Variants in MGST2 observed in about 807,000 individuals in gnomAD.
MGST2 encodes glutathione peroxidase MGST2.
Under a neutral mutation model 16.6 loss-of-function variants are expected in MGST2, and 9 were observed. That is an observed-to-expected ratio of 0.54 (90% CI 0.33 to 0.95). MGST2 has a LOEUF of 0.95. Among genes scored for constraint, MGST2 ranks in the 40% least tolerant of loss-of-function variants. MGST2 has a pLI of 0.03. For synonymous variants in MGST2, 79 were observed against 68.0 expected (o/e 1.16, Z -0.79); for missense variants, 159 against 175.1 (o/e 0.91, Z 0.52).
chr4:139,686,346 T>C (rs1277413406), intron 2 of MGST2, among the ~76,000 whole-genome samples: 1 of 152,190 alleles, frequency 6.6e-6, no homozygotes, highest in African/African-American at 2.4e-5. Flanking sequence ...TCAGAGAGAA[T>C]AGTTTGTAAA....
intron 5 of MGST2, among the ~76,000 whole-genome samples, chr4:139,725,260 G>A (rs1332411594): frequency 2.0e-5 from 3 of 152,184 alleles, no homozygotes; most frequent in Non-Finnish European, 4.4e-5. Flanking sequence ...AGTGGTTGTT[G>A]CAAGCCAGAT....
chr4:139,686,492 A>G (rs1194848231), intron 2 of MGST2, among the ~76,000 whole-genome samples: 2 of 152,184 alleles, frequency 1.3e-5, no homozygotes, highest in Non-Finnish European at 2.9e-5. Flanking sequence ...CTGGCTGAGG[A>G]GGAAGTCCAT....
rs976059129 is a variant in MGST2 at position 139,719,742 on chromosome 4, G to T, written c.*48+15546G>T. 3.1e-6 allele frequency: 5 copies of T among 1,613,632 alleles called. 1 individual carries two copies. The African/African-American group carries it at 4.0e-5, about 13-fold the overall frequency. On this transcript the variant is annotated intron_variant, in intron 5 of 5. Transcript: ENST00000616265. Reference sequence around the variant, plus strand: ...TGGCTCAGTCCCTGTGGGAAGTGCTGCTTGGTCAGTCTCGGCTGCCCAGCT... The same window carrying T: ...TGGCTCAGTCCCTGTGGGAAGTGCTTCTTGGTCAGTCTCGGCTGCCCAGCT...
At chr4:139,733,562 A>G (rs867676081) in intron 5 of MGST2, among the ~76,000 whole-genome samples, 7 of 152,008 alleles carry the variant, frequency 4.6e-5, no homozygotes, top group African/African-American at 7.2e-5. Context: ...AGTGTGAAAA[A>G]AAAAAAAAAA....
intron 2 of MGST2, among the ~76,000 whole-genome samples, chr4:139,691,387 G>T (rs1477522557): frequency 6.6e-6 from 1 of 152,182 alleles, no homozygotes; most frequent in African/African-American, 2.4e-5. Flanking sequence ...CCACTGACAG[G>T]ATTGTCAAGA....
intron 5 of MGST2, among the ~76,000 whole-genome samples, chr4:139,709,304 T>C (rs1434319149): frequency 6.6e-6 from 1 of 152,058 alleles, no homozygotes; most frequent in African/African-American, 2.4e-5. Context: ...AGGATGGTCT[T>C]GATCTCCTGA....
intron 5 of MGST2, among the ~76,000 whole-genome samples, chr4:139,713,494 A>AAAAT (rs1727817703): frequency 1.3e-5 from 2 of 151,446 alleles, no homozygotes; most frequent in African/African-American, 4.8e-5. Flanking sequence ...AAAAAAAAAA[A>AAAAT]AAAGGAGAAA....
the MGST2 span, among the ~76,000 whole-genome samples, chr4:139,748,751 T>C: frequency 9.6e-6 from 1 of 104,050 alleles, no homozygotes. Flanking sequence ...TTTGGAAAGT[T>C]GAGCAATTTC....
downstream of MGST2, among the ~76,000 whole-genome samples, chr4:139,742,183 C>T (rs1729192899): frequency 6.9e-6 from 1 of 145,972 alleles, no homozygotes; most frequent in African/African-American, 2.5e-5. Flanking sequence ...GAGTCTCGCT[C>T]TGTCAGCCAG....
At chr4:139,678,715 G>A (rs1168451858) in intron 2 of MGST2, 73 bp downstream of exon 2, 26 of 1,182,546 alleles carry the variant, frequency 2.2e-5, no homozygotes, top group Non-Finnish European at 2.1e-5. Flanking sequence ...TAGGGGAAAG[G>A]GATATGGAGA....
downstream of MGST2, among the ~76,000 whole-genome samples, chr4:139,741,851 A>T (rs1375715291): frequency 1.2e-4 from 18 of 152,158 alleles, no homozygotes; most frequent in Non-Finnish European, 7.4e-5. Context: ...TAATTGCCCT[A>T]TGCTGTATTT....
At chr4:139,710,815 A>G (rs1373502965) in intron 5 of MGST2, among the ~76,000 whole-genome samples, 2 of 152,102 alleles carry the variant, frequency 1.3e-5, no homozygotes, top group African/African-American at 2.4e-5. Flanking sequence ...CTCTTAACCC[A>G]GTTTTGAAAC....
At chr4:139,726,178 A>T (rs532607295) in intron 5 of MGST2, among the ~76,000 whole-genome samples, 1 of 152,336 alleles carries the variant, frequency 6.6e-6, no homozygotes, top group African/African-American at 2.4e-5. Flanking sequence ...CTTTGCAGAA[A>T]AGGATTCACA....
At chr4:139,722,063 A>G (rs756456371) in intron 5 of MGST2, among the ~76,000 whole-genome samples, 2 of 152,242 alleles carry the variant, frequency 1.3e-5, no homozygotes, top group Non-Finnish European at 2.9e-5. Context: ...AAGGACATCT[A>G]TAATTTGGCC....
chr4:139,739,588 G>C (rs1294165340), intron 5 of MGST2, among the ~76,000 whole-genome samples: 2 of 151,404 alleles, frequency 1.3e-5, no homozygotes, highest in Non-Finnish European at 2.9e-5. Context: ...TGAATACTAG[G>C]CAGCCAATAA....
At chr4:139,748,773 T>G in the MGST2 span, among the ~76,000 whole-genome samples, 3 of 144,696 alleles carry the variant, frequency 2.1e-5, no homozygotes, top group African/African-American at 7.8e-5. Flanking sequence ...AGCTCCGAGG[T>G]TTTGAACAGT....
chr4:139,743,948 G>A (rs1458902684), downstream of MGST2, among the ~76,000 whole-genome samples: 2 of 152,136 alleles, frequency 1.3e-5, no homozygotes, highest in Non-Finnish European at 2.9e-5. Context: ...ACATGTGGAG[G>A]GGCCATCCCT....
chr4:139,669,601 G>T (rs1162396944), intron 1 of MGST2, among the ~76,000 whole-genome samples: 4 of 152,246 alleles, frequency 2.6e-5, no homozygotes, highest in Non-Finnish European at 4.4e-5. Flanking sequence ...AGTTTCTGCT[G>T]CATGGAGAGG....
At chr4:139,698,086 G>C in intron 3 of MGST2, 1 of 974,724 alleles carries the variant, frequency 1.0e-6, no homozygotes, top group Non-Finnish European at 1.5e-6. Context: ...ACCAATAACA[G>C]GAAGAAGAGA....
Sources: allele counts gnomAD v4.1 joint callset (sites outside exome capture counted in the v4.1 genomes callset), GRCh38; gene constraint gnomAD v4.1.1; transcripts MANE v1.5; gene names NCBI Gene and HGNC (gene_info 2026-07-23, HGNC 2026-07-21).